Variants in CNBD1 observed in about 807,000 individuals in gnomAD.
CNBD1 encodes the protein cyclic nucleotide binding domain containing 1, also known as cyclic nucleotide-binding domain-containing protein 1.
In CNBD1, 71 loss-of-function variants were observed where a neutral mutation model predicts 54.4. That is an observed-to-expected ratio of 1.30 (90% confidence interval 1.08 to 1.59). The LOEUF is 1.59. Ranked by LOEUF, CNBD1 falls within the 40% of genes most tolerant of loss-of-function variation. The pLI is 0.00. For missense variants in CNBD1, 659 were observed against 518.0 expected (o/e 1.27, Z -2.64); for synonymous variants, 182 against 170.7 (o/e 1.07, Z -0.51).
chr8:86,988,853 C>T (rs750102861), intron 4 of CNBD1, among the ~76,000 whole-genome samples: 3 of 152,170 alleles, frequency 2.0e-5, no homozygotes, highest in Admixed American at 6.5e-5. Flanking sequence ...GACAGGATCT[C>T]ATCCTTTTTT....
intron 8 of CNBD1, among the ~76,000 whole-genome samples, chr8:87,338,885 G>T (rs1227848325): frequency 6.6e-6 from 1 of 152,020 alleles, no homozygotes; most frequent in Non-Finnish European, 1.5e-5. Flanking sequence ...TAAGGTGTGT[G>T]GGTGAGGGGA....
chr8:87,361,709 T>TATATATATATATATA (rs1554582984), intron 10 of CNBD1, among the ~76,000 whole-genome samples: 1 of 150,264 alleles, frequency 6.7e-6, no homozygotes, highest in African/African-American at 2.4e-5. Context: ...TATATATATA[T>TATATATATATATATA]TCTTGTTCAC....
chr8:87,284,852 TG>T, intron 7 of CNBD1, 37 bp downstream of exon 7: 1 of 1,450,926 alleles, frequency 6.9e-7, no homozygotes. Flanking sequence ...AAACAAAAAT[TG>T]GGCATAAACT....
At chr8:87,049,082 G>A (rs951045260) in intron 4 of CNBD1, among the ~76,000 whole-genome samples, 1 of 152,160 alleles carries the variant, frequency 6.6e-6, no homozygotes, top group African/African-American at 2.4e-5. Context: ...AGAATACTGA[G>A]GTCTTACTTC....
chr8:87,309,465 T>A (rs887913259), intron 8 of CNBD1, among the ~76,000 whole-genome samples: 8 of 152,168 alleles, frequency 5.3e-5, no homozygotes, highest in African/African-American at 1.9e-4. Context: ...ATGTTTCTAG[T>A]GCTATTGCTT....
At chr8:87,024,752 G>A (rs1055323691) in intron 4 of CNBD1, among the ~76,000 whole-genome samples, 8 of 152,114 alleles carry the variant, frequency 5.3e-5, no homozygotes, top group Non-Finnish European at 4.4e-5. Context: ...TTGTTTTAAA[G>A]ACTTCTTCTC....
chr8:87,386,529 A>C (rs1321098013), downstream of CNBD1, among the ~76,000 whole-genome samples: 1 of 152,052 alleles, frequency 6.6e-6, no homozygotes, highest in African/African-American at 2.4e-5. Flanking sequence ...TGAAGATCAA[A>C]TGAATGAAAT....
intron 8 of CNBD1, among the ~76,000 whole-genome samples, chr8:87,311,499 G>A (rs1008395181): frequency 2.6e-5 from 4 of 152,078 alleles, no homozygotes; most frequent in African/African-American, 7.2e-5. Flanking sequence ...CACAGTTGGT[G>A]GGAATGTAAA....
intron 4 of CNBD1, among the ~76,000 whole-genome samples, chr8:87,160,673 C>T (rs747355141): frequency 1.3e-5 from 2 of 151,994 alleles, no homozygotes; most frequent in Non-Finnish European, 2.9e-5. Flanking sequence ...AATCTGTAAT[C>T]CTATCTGCAT....
intron 5 of CNBD1, among the ~76,000 whole-genome samples, chr8:87,225,436 G>A (rs1814460054): frequency 1.3e-5 from 2 of 151,942 alleles, no homozygotes; most frequent in Admixed American, 6.6e-5. Context: ...TTTATTGAGA[G>A]TTTTTAGCAT....
chr8:87,347,037 G>T (rs914724534), intron 8 of CNBD1, among the ~76,000 whole-genome samples: 2 of 152,158 alleles, frequency 1.3e-5, no homozygotes, highest in Non-Finnish European at 2.9e-5. Flanking sequence ...TTCACCCACT[G>T]AGAGTATTGC....
intron 4 of CNBD1, among the ~76,000 whole-genome samples, chr8:86,994,733 G>A (rs1164025844): frequency 1.3e-5 from 2 of 151,862 alleles, no homozygotes; most frequent in Admixed American, 6.6e-5. Flanking sequence ...GCCTCAATGT[G>A]TGTGTCGCTT....
intron 5 of CNBD1, among the ~76,000 whole-genome samples, chr8:87,228,985 T>A (rs1364832761): frequency 6.6e-6 from 1 of 152,172 alleles, no homozygotes; most frequent in Non-Finnish European, 1.5e-5. Context: ...GGTATTCGGG[T>A]GGGAGTGACC....
chr8:87,024,504 C>A (rs1423933826), intron 4 of CNBD1, among the ~76,000 whole-genome samples: 1 of 151,474 alleles, frequency 6.6e-6, no homozygotes, highest in Non-Finnish European at 1.5e-5. Context: ...CCATGCCTGG[C>A]TAATTTTTTA....
intron 4 of CNBD1, among the ~76,000 whole-genome samples, chr8:87,049,505 G>T (rs1368042515): frequency 6.6e-6 from 1 of 152,086 alleles, no homozygotes; most frequent in Admixed American, 6.6e-5. Flanking sequence ...TGACATTCAG[G>T]GTGACTACTG....
chr8:87,198,876 G>A (rs1440574170), intron 4 of CNBD1, among the ~76,000 whole-genome samples: 2 of 152,212 alleles, frequency 1.3e-5, no homozygotes, highest in East Asian at 3.8e-4. Context: ...TTGGCTCACA[G>A]TTCTGCAGGC....
intron 4 of CNBD1, among the ~76,000 whole-genome samples, chr8:87,031,329 T>A (rs16896366): frequency 0.03 from 4,585 of 152,130 alleles, 236 homozygotes; most frequent in African/African-American, 0.1. Context: ...ATAACTCGTG[T>A]GTGCAACATT....
chr8:86,948,798 C>G lies in CNBD1; in HGVS notation c.431+9044C>G, dbSNP rs187555247. On this transcript the variant is annotated intron_variant, in intron 4 of 10. Transcript: ENST00000518476. ...CATTTGTCCATTTTTGCTTTGGTTG[C>G]CTGTGCTTGCGGGTTATTACTGAAG... Among the ~76,000 whole-genome samples, 107 of 152,162 alleles carry G rather than the reference C, an allele frequency of 7.0e-4. 1 individual carries two copies. Among genetic ancestry groups the G allele is most frequent in the African/African-American group, 2.5e-3 (104 of 41,532 alleles).
intron 6 of CNBD1, among the ~76,000 whole-genome samples, chr8:87,265,286 G>T (rs887320515): frequency 5.3e-5 from 8 of 151,968 alleles, no homozygotes; most frequent in African/African-American, 1.9e-4. Flanking sequence ...GTTTTTCTCA[G>T]GTTTGTCAAA....
Sources: allele counts gnomAD v4.1 joint callset (sites outside exome capture counted in the v4.1 genomes callset), GRCh38; gene constraint gnomAD v4.1.1; transcripts MANE v1.5; gene names NCBI Gene and HGNC (gene_info 2026-07-23, HGNC 2026-07-21).